The following AP4S1 variants were observed in gnomAD, a reference collection of about 807,000 sequenced individuals.
AP4S1 encodes adaptor related protein complex 4 subunit sigma 1, also known as AP-4 complex subunit sigma-1.
In AP4S1, 23 loss-of-function variants were observed where a neutral mutation model predicts 19.8. The ratio of observed to expected loss-of-function variants is 1.16; its 90% CI spans 0.84 to 1.65. The LOEUF (loss-of-function observed/expected upper bound fraction) is 1.65, where lower values mean the gene tolerates loss of function less well. Among genes scored for constraint, AP4S1 ranks in the 40% most tolerant of loss-of-function variants. AP4S1 has a pLI of 0.00. For synonymous variants in AP4S1, 46 were observed against 54.1 expected, an observed-to-expected ratio of 0.85 and a Z score of 0.66; for missense variants, 166 against 172.8, an observed-to-expected ratio of 0.96 and a Z score of 0.22.
chr14:31,030,624 C>A (rs1884334064), intron 1 of AP4S1, among the ~76,000 whole-genome samples: 1 of 152,170 alleles, frequency 6.6e-6, no homozygotes, highest in Non-Finnish European at 1.5e-5. Context: ...GGTAAGATTA[C>A]AGGCATAAGC....
rs1439553991 is a variant in AP4S1 at position 31,092,955 on chromosome 14, T to C, written c.355T>C (p.Leu119=). ...KVHIILDEMV[L]NGCIVETNRA... Reference sequence around the variant, plus strand: ...ACACATCATTTTGGATGAGATGGTGTTAAATGGCTGCATTGTGGAAACTAA... The same window carrying C: ...ACACATCATTTTGGATGAGATGGTGCTAAATGGCTGCATTGTGGAAACTAA... The change falls in exon 6 of 6, where the codon TTA becomes CTA. Residue 119 remains leucine (L), a synonymous_variant. Coordinates refer to ENST00000542754, the MANE Select transcript of AP4S1 (RefSeq NM_001128126.3). 1 of 1,547,880 alleles carries C rather than the reference T, an allele frequency of 6.5e-7. No homozygotes were observed. Among genetic ancestry groups the C allele is most frequent in the South Asian group, 1.2e-5 (1 of 83,818 alleles).
chr14:31,066,059 A>C (rs1886697797), intron 1 of AP4S1, 67 bp from the exon 2 acceptor site: 1 of 749,408 alleles, frequency 1.3e-6, no homozygotes, highest in Admixed American at 2.7e-5. Flanking sequence ...ATCTATAAAA[A>C]CATTTAATAT....
At chr14:31,082,243 C>G (rs1887675070) in intron 5 of AP4S1, among the ~76,000 whole-genome samples, 1 of 152,100 alleles carries the variant, frequency 6.6e-6, no homozygotes, top group Non-Finnish European at 1.5e-5. Context: ...CTATAGATCC[C>G]TTTGTAGGTT....
chr14:31,026,140 C>T (rs2281563), intron 1 of AP4S1: 172,061 of 1,491,082 alleles, frequency 0.12, 11,128 homozygotes, highest in East Asian at 0.24. Flanking sequence ...CGGGGAGGGG[C>T]CGCCATCCCC....
At chr14:31,074,009 T>G (rs774413343) in intron 4 of AP4S1, among the ~76,000 whole-genome samples, 35 of 152,126 alleles carry the variant, frequency 2.3e-4, no homozygotes, top group Non-Finnish European at 4.7e-4. Context: ...GAAATATATT[T>G]TATGTATAAT....
intron 4 of AP4S1, among the ~76,000 whole-genome samples, chr14:31,076,557 A>G (rs1887369161): frequency 6.6e-6 from 1 of 152,216 alleles, no homozygotes; most frequent in Non-Finnish European, 1.5e-5. Context: ...TATATTCTGA[A>G]TACAAGTCCC....
At chr14:31,027,486 A>AC (rs1236264696) in intron 1 of AP4S1, among the ~76,000 whole-genome samples, 1 of 152,058 alleles carries the variant, frequency 6.6e-6, no homozygotes, top group Non-Finnish European at 1.5e-5. Flanking sequence ...ACATTGTGAA[A>AC]CCCCATTTCT....
chr14:31,092,929 T>C lies in AP4S1; in HGVS notation c.329T>C (p.Val110Ala). 1.3e-6 allele frequency: 2 copies of C among 1,541,578 alleles called. No homozygotes were observed. The highest frequency in any genetic ancestry group is 1.8e-6 in the Non-Finnish European group (2 of 1,141,124). Residue 110 changes from valine (V) to alanine (A), a missense_variant, in exon 6 of 6, where the codon GTA becomes GCA. Physicochemically the swap from Val to Ala is moderately conservative, Grantham distance 64. Coordinates refer to ENST00000542754, the MANE Select transcript of AP4S1 (RefSeq NM_001128126.3). ...ELDIMFNLDK[V>A]HIILDEMVLN... ...TAGATAATGTTTAATTTGGATAAAG[T>C]ACACATCATTTTGGATGAGATGGTG...
intron 4 of AP4S1, among the ~76,000 whole-genome samples, chr14:31,078,293 G>C (rs1000799923): frequency 6.6e-6 from 1 of 152,210 alleles, no homozygotes; most frequent in Non-Finnish European, 1.5e-5. Flanking sequence ...GGAATGTTCT[G>C]TACCTGTGCC....
intron 1 of AP4S1, among the ~76,000 whole-genome samples, chr14:31,046,007 C>T (rs1280134815): frequency 1.3e-5 from 2 of 149,666 alleles, no homozygotes; most frequent in Non-Finnish European, 3.0e-5. Flanking sequence ...ACTCTTGTTG[C>T]CCAGGCTGGA....
intron 3 of AP4S1, 95 bp from the exon 4 acceptor site, chr14:31,072,810 T>G: frequency 1.0e-6 from 1 of 996,668 alleles, no homozygotes. Context: ...CTAAGCCACA[T>G]GCTCTAAAAC....
chr14:31,027,006 T>C (rs179744), intron 1 of AP4S1: 93,446 of 152,050 alleles, frequency 0.61, 29,586 homozygotes, highest in African/African-American at 0.78. Flanking sequence ...TCCTCGTCTC[T>C]GTCTTGAGCC....
At chr14:31,063,514 A>G (rs1886552973) in intron 1 of AP4S1, among the ~76,000 whole-genome samples, 1 of 152,142 alleles carries the variant, frequency 6.6e-6, no homozygotes. Context: ...CAGCTACTTG[A>G]GAAACTGAGG....
intron 5 of AP4S1, among the ~76,000 whole-genome samples, chr14:31,082,802 A>G (rs996935981): frequency 6.6e-6 from 1 of 151,966 alleles, no homozygotes; most frequent in Non-Finnish European, 1.5e-5. Context: ...AGGCTGAGGC[A>G]GGAGAATGGC....
In AP4S1 at chr14:31,095,765, T is replaced by G. The variant is rs1269475476; in HGVS notation, c.*2730T>G. 1 of 152,156 alleles carries G rather than the reference T, an allele frequency of 6.6e-6. No homozygotes were observed. Among genetic ancestry groups the G allele is most frequent in the Non-Finnish European group, 1.5e-5 (1 of 68,014 alleles). 9.4% of individuals were successfully genotyped at this position (152,156 alleles called of 1,614,324 possible). A position where few individuals can be genotyped will look rare whatever the true frequency, so the allele number is the denominator to read the frequency against. ...GGTTTGCTTATTAATAAGCTTACTG[T>G]TAATGAAATTTAGTTCAAAGTTTAA... On this transcript the variant is annotated 3_prime_UTR_variant, in exon 6 of 6. Transcript: ENST00000542754.
At chr14:31,085,230 T>C (rs1887868472) in intron 5 of AP4S1, 1 of 1,060,924 alleles carries the variant, frequency 9.4e-7, no homozygotes, top group African/African-American at 1.7e-5. Flanking sequence ...CCCTAGAATT[T>C]ATAAGGTCCC....
chr14:31,066,735 G>A (rs1315537257), intron 2 of AP4S1, among the ~76,000 whole-genome samples: 1 of 152,066 alleles, frequency 6.6e-6, no homozygotes, highest in East Asian at 1.9e-4. Flanking sequence ...TTGGTGTAGA[G>A]GTGAATACTG....
intron 3 of AP4S1, among the ~76,000 whole-genome samples, chr14:31,071,933 G>C (rs941249572): frequency 3.4e-5 from 5 of 148,364 alleles, no homozygotes; most frequent in African/African-American, 9.9e-5. Flanking sequence ...TTTTTTTTGG[G>C]GGGGTGGGGA....
chr14:31,092,916 A>AATT lies in AP4S1; in HGVS notation c.317_319dup (p.Asn106_Leu107insTyr). The AATT allele has an allele frequency of 6.5e-7, 1 of 1,527,528 alleles. No individual in the cohort carries two copies. The highest frequency in any genetic ancestry group is 8.8e-7 in the Non-Finnish European group (1 of 1,135,620). The allele number at this position is 1,527,528 out of a possible 1,614,324, so 94.6% of individuals were successfully genotyped here. On this transcript the variant is annotated inframe_insertion, in exon 6 of 6. Transcript: ENST00000542754. ...CTTAATATAACCGTAGATAATGTTT[A>AATT]ATTTGGATAAAGTACACATCATTTT...
Sources: allele counts gnomAD v4.1 joint callset (sites outside exome capture counted in the v4.1 genomes callset), GRCh38; gene constraint gnomAD v4.1.1; transcripts MANE v1.5; gene names NCBI Gene and HGNC (gene_info 2026-07-23, HGNC 2026-07-21).